SCN11A: variants seen among roughly 807,000 people sequenced by gnomAD.
SCN11A encodes the protein sodium channel protein type 11 subunit alpha.
SCN11A carries 122 observed loss-of-function variants against 162.2 expected under a neutral mutation model. That is an observed-to-expected ratio of 0.75 (90% CI 0.65 to 0.87). SCN11A has a LOEUF of 0.87. Ranked by LOEUF, SCN11A falls within the 40% of genes least tolerant of loss-of-function variation. The pLI, the probability that SCN11A is intolerant of heterozygous loss-of-function variation, is 0.00. For missense variants in SCN11A, 2,015 were observed against 2,181.6 expected, an observed-to-expected ratio of 0.92 and a Z score of 1.52; for synonymous variants, 758 against 751.5, an observed-to-expected ratio of 1.01 and a Z score of -0.14.
At chr3:38,928,458 A>G (rs1461481585) in intron 7 of SCN11A, among the ~76,000 whole-genome samples, 1 of 152,200 alleles carries the variant, frequency 6.6e-6, no homozygotes, top group Non-Finnish European at 1.5e-5. Flanking sequence ...TTGATGGAGA[A>G]GCAAACCACC....
intron 2 of SCN11A, among the ~76,000 whole-genome samples, chr3:38,991,180 T>C (rs866151826): frequency 5.3e-5 from 8 of 152,344 alleles, no homozygotes; most frequent in Middle Eastern, 3.4e-3. Flanking sequence ...CTTTTACAAC[T>C]AAATATTGTT....
Position 38,975,184 on chromosome 3 carries a change from T to A in SCN11A, c.-279-14761A>T, listed in dbSNP as rs1004743349. On this transcript the variant is annotated intron_variant, in intron 2 of 29. Transcript: ENST00000302328. Reference sequence around the variant, plus strand: ...AATTTCAGACAAAAACTAAGAAAAATTTACCATTAAAAGATCCTCACTGAA... The same window carrying A: ...AATTTCAGACAAAAACTAAGAAAAAATTACCATTAAAAGATCCTCACTGAA... Among the ~76,000 whole-genome samples, 11 of 151,266 alleles carry A rather than the reference T, an allele frequency of 7.3e-5. No individual in the cohort carries two copies. In the South Asian group the frequency reaches 2.3e-3, roughly 32 times the overall value.
chr3:38,944,612 C>T (rs1182914267), intron 7 of SCN11A, among the ~76,000 whole-genome samples: 2 of 151,866 alleles, frequency 1.3e-5, no homozygotes, highest in Non-Finnish European at 2.9e-5. Flanking sequence ...AGGCATGAGC[C>T]ACCACGCCCA....
chr3:38,960,604 C>T (rs2066732614), intron 2 of SCN11A, among the ~76,000 whole-genome samples, 181 bp from the exon 3 acceptor site: 1 of 152,132 alleles, frequency 6.6e-6, no homozygotes, highest in African/African-American at 2.4e-5. Flanking sequence ...AATAAAGAAA[C>T]AGGTTGTTGT....
At chr3:39,050,384 A>C (rs992764091) in intron 1 of SCN11A, among the ~76,000 whole-genome samples, 2 of 152,160 alleles carry the variant, frequency 1.3e-5, no homozygotes, top group Non-Finnish European at 2.9e-5. Context: ...GACTATGTGC[A>C]CTCACCACTG....
chr3:38,932,099 C>A (rs1262647207), intron 7 of SCN11A, among the ~76,000 whole-genome samples: 1 of 152,138 alleles, frequency 6.6e-6, no homozygotes, highest in African/African-American at 2.4e-5. Context: ...AATAAGAATA[C>A]AAAAGACATT....
intron 11 of SCN11A, among the ~76,000 whole-genome samples, chr3:38,917,714 T>C (rs2125544945): frequency 6.6e-6 from 1 of 152,228 alleles, no homozygotes; most frequent in African/African-American, 2.4e-5. Context: ...AACTAATGGG[T>C]ACTAGATTTA....
chr3:39,051,557 C>T (rs1021663826), intron 1 of SCN11A, among the ~76,000 whole-genome samples: 7 of 152,158 alleles, frequency 4.6e-5, no homozygotes, highest in African/African-American at 1.4e-4. Flanking sequence ...TTCTATCTCT[C>T]CCCCTTTGAG....
chr3:39,009,025 C>G (rs977959303), intron 2 of SCN11A, among the ~76,000 whole-genome samples: 1 of 151,696 alleles, frequency 6.6e-6, no homozygotes, highest in Non-Finnish European at 1.5e-5. Flanking sequence ...TATTATTTTT[C>G]TTTTTCAATC....
intron 9 of SCN11A, among the ~76,000 whole-genome samples, chr3:38,922,688 G>C (rs965229705): frequency 1.3e-5 from 2 of 152,152 alleles, no homozygotes; most frequent in Non-Finnish European, 2.9e-5. Flanking sequence ...AGGAGGAGGA[G>C]GAGGAGGAGG....
At chr3:39,046,587 G>A (rs2032186076) in intron 1 of SCN11A, among the ~76,000 whole-genome samples, 1 of 152,006 alleles carries the variant, frequency 6.6e-6, no homozygotes, top group Non-Finnish European at 1.5e-5. Context: ...AACAAAATTG[G>A]AGGCATCACA....
At chr3:38,921,990 G>A (rs185694617) in intron 9 of SCN11A, among the ~76,000 whole-genome samples, 1 of 152,160 alleles carries the variant, frequency 6.6e-6, no homozygotes, top group Non-Finnish European at 1.5e-5. Context: ...GAATTCTGTG[G>A]TATAGATCCT....
chr3:38,938,312 A>G (rs976631548), intron 7 of SCN11A, among the ~76,000 whole-genome samples: 2 of 151,446 alleles, frequency 1.3e-5, no homozygotes, highest in African/African-American at 4.9e-5. Context: ...GCACACCAGC[A>G]TGGCACATGT....
At chr3:38,925,636 A>C in intron 8 of SCN11A, 127 bp from the exon 9 acceptor site, 1 of 646,878 alleles carries the variant, frequency 1.5e-6, no homozygotes. Flanking sequence ...CGACAGCCTC[A>C]CCTTTCCAGC....
At chr3:39,016,200 T>A (rs1163332676) in intron 2 of SCN11A, among the ~76,000 whole-genome samples, 1 of 152,200 alleles carries the variant, frequency 6.6e-6, no homozygotes, top group Non-Finnish European at 1.5e-5. Context: ...TGTCCCACTT[T>A]GAGGCAAGGA....
At position 39,010,378 on chromosome 3, in the gene SCN11A, C is replaced by CT. The variant is rs201494677; in HGVS notation, c.-280+22001dup. 6.5e-3 allele frequency among the ~76,000 whole-genome samples: 782 copies of CT among 120,720 alleles called. 20 individuals carry two copies. The highest frequency in any genetic ancestry group is 0.031 in the African/African-American group (711 of 23,116). 79.2% of individuals were successfully genotyped at this position (120,720 alleles called of 152,430 possible). ...AGTACAAACAGAAGTTTTAGTTTTT[C>CT]TTTTTTCTTTTTTTTTTTTGAGACA... On this transcript the variant is annotated intron_variant, in intron 2 of 29. Transcript: ENST00000302328.
In SCN11A at chr3:38,907,310, A is replaced by ATGTGTGTGTGTGTGTG. The variant is rs141158768; in HGVS notation, c.1473+623_1473+638dup. ...AGTTGGTATATATATACCAACATAT[A>ATGTGTGTGTGTGTGTG]TGTGTGTGTGTGTGTGTGTGTGTGT... On this transcript the variant is annotated intron_variant, in intron 14 of 29. Transcript: ENST00000302328. Among the ~76,000 whole-genome samples the ATGTGTGTGTGTGTGTG allele has an allele frequency of 9.8e-3, 1,162 of 119,168 alleles. 5 individuals are homozygous for ATGTGTGTGTGTGTGTG. Among genetic ancestry groups the ATGTGTGTGTGTGTGTG allele is most frequent in the Admixed American group, 0.014 (169 of 12,312 alleles). 78.2% of individuals were successfully genotyped at this position (119,168 alleles called of 152,430 possible).
At chr3:38,938,500 G>A (rs1385862473) in intron 7 of SCN11A, among the ~76,000 whole-genome samples, 1 of 92,916 alleles carries the variant, frequency 1.1e-5, no homozygotes, top group East Asian at 4.0e-4. Context: ...AAGGCAGAAG[G>A]AAAAATATCA....
At chr3:38,938,534 ATATATATATATATATATTTTTTTTTTTT>A (rs2066381419) in intron 7 of SCN11A, among the ~76,000 whole-genome samples, 2 of 25,360 alleles carry the variant, frequency 7.9e-5, no homozygotes, top group African/African-American at 2.3e-4. Context: ...ATATATATAT[ATATATATATATATATATTTTTTTTTTTT>A]TTTTTTTTTT....
Sources: allele counts gnomAD v4.1 joint callset (sites outside exome capture counted in the v4.1 genomes callset), GRCh38; gene constraint gnomAD v4.1.1; transcripts MANE v1.5; gene names NCBI Gene and HGNC (gene_info 2026-07-23, HGNC 2026-07-21).